The following ANGPT1 variants were observed in gnomAD, a reference collection of about 807,000 sequenced individuals.
ANGPT1 encodes angiopoietin 1.
ANGPT1 carries 17 observed loss-of-function variants against 62.2 expected under a neutral mutation model. That is an observed-to-expected ratio of 0.27 (90% CI 0.19 to 0.41). The LOEUF (loss-of-function observed/expected upper bound fraction) is 0.41, where lower values mean the gene tolerates loss of function less well. Ranked by LOEUF, ANGPT1 falls within the 10% of genes least tolerant of loss-of-function variation. The probability of loss-of-function intolerance (pLI) is 1.00; values close to 1 mark genes in which losing one functional copy is unlikely to be tolerated. For synonymous variants in ANGPT1, 199 were observed against 198.9 expected, an observed-to-expected ratio of 1.00 and a Z score of 0.00; for missense variants, 478 against 594.9, an observed-to-expected ratio of 0.80 and a Z score of 2.04.
intron 1 of ANGPT1, among the ~76,000 whole-genome samples, chr8:107,452,698 T>C (rs1811811179): frequency 6.6e-6 from 1 of 151,994 alleles, no homozygotes; most frequent in African/African-American, 2.4e-5. Context: ...TTCCAGAATT[T>C]GCATTAACTT....
At chr8:107,481,532 C>CAAAAAAAAAAAAAAAAAAAAAAA (rs71562147) in intron 1 of ANGPT1, among the ~76,000 whole-genome samples, 1 of 64,316 alleles carries the variant, frequency 1.6e-5, no homozygotes, top group Admixed American at 2.0e-4. Context: ...GACTCTGTCT[C>CAAAAAAAAAAAAAAAAAAAAAAA]AAAAAAAAAA....
At position 107,391,465 on chromosome 8, in the gene ANGPT1, G is replaced by C. The variant is rs1036707200; in HGVS notation, c.298-44368C>G. 2.0e-5 allele frequency among the ~76,000 whole-genome samples: 3 copies of C among 152,276 alleles called. No individual in the cohort carries two copies. In the South Asian group the frequency reaches 6.2e-4, roughly 32 times the overall value. ...GCAGATAACCTGAGGTCAGGAGTTTGAGACCAGCCTGGCCAACATGGTGAA... is the reference window on the plus strand; with the variant it reads ...GCAGATAACCTGAGGTCAGGAGTTTCAGACCAGCCTGGCCAACATGGTGAA... On this transcript the variant is annotated intron_variant, in intron 1 of 8. Transcript: ENST00000517746.
At chr8:107,491,415 A>G (rs1812950608) in intron 1 of ANGPT1, among the ~76,000 whole-genome samples, 2 of 152,220 alleles carry the variant, frequency 1.3e-5, no homozygotes, top group Non-Finnish European at 2.9e-5. Flanking sequence ...AGCATTATGC[A>G]GTAGCAAGTA....
intron 8 of ANGPT1, among the ~76,000 whole-genome samples, chr8:107,259,091 G>A (rs1813434869): frequency 6.6e-6 from 1 of 152,132 alleles, no homozygotes; most frequent in Admixed American, 6.5e-5. Context: ...ACTAAATATA[G>A]AAATTGGGTT....
intron 1 of ANGPT1, among the ~76,000 whole-genome samples, chr8:107,375,573 A>G (rs1415705869): frequency 1.3e-5 from 2 of 152,170 alleles, no homozygotes; most frequent in Non-Finnish European, 2.9e-5. Flanking sequence ...CCTCCTCCCA[A>G]CCACAGGAGA....
intron 1 of ANGPT1, among the ~76,000 whole-genome samples, chr8:107,423,722 TA>T (rs1261141218): frequency 2.0e-5 from 3 of 152,090 alleles, no homozygotes. Context: ...TGTGAGTTTC[TA>T]ATAACATATC....
intron 4 of ANGPT1, among the ~76,000 whole-genome samples, chr8:107,317,553 T>C (rs1250656952): frequency 6.6e-6 from 1 of 152,122 alleles, no homozygotes; most frequent in African/African-American, 2.4e-5. Context: ...CAATTATATA[T>C]TTGCCACGTG....
intron 6 of ANGPT1, among the ~76,000 whole-genome samples, chr8:107,286,442 A>G (rs1256253139): frequency 6.6e-6 from 1 of 152,138 alleles, no homozygotes; most frequent in East Asian, 1.9e-4. Context: ...GTCTTCATGT[A>G]CTGTTCTATT....
At chr8:107,358,389 T>C (rs1816093398) in intron 1 of ANGPT1, among the ~76,000 whole-genome samples, 1 of 150,694 alleles carries the variant, frequency 6.6e-6, no homozygotes, top group Admixed American at 6.6e-5. Flanking sequence ...TTTTTTTTTC[T>C]CCCTTTGATC....
chr8:107,359,605 C>A lies in ANGPT1; in HGVS notation c.298-12508G>T, dbSNP rs190492110. Among the ~76,000 whole-genome samples, 23 of 152,272 alleles carry A rather than the reference C, an allele frequency of 1.5e-4. No individual in the cohort carries two copies. In the East Asian group the frequency reaches 4.4e-3, roughly 29 times the overall value. ...CATTCCATTGAATAGACAAGATAGT[C>A]TTGATTTTAAAGTGCAAAGTGGCTT... is the stretch of plus-strand genomic sequence containing the variant. On this transcript the variant is annotated intron_variant, in intron 1 of 8. Transcript: ENST00000517746.
intron 5 of ANGPT1, among the ~76,000 whole-genome samples, chr8:107,301,623 C>T (rs1278683875): frequency 1.3e-5 from 2 of 151,844 alleles, no homozygotes; most frequent in Non-Finnish European, 2.9e-5. Context: ...AGAAATCAAA[C>T]ATGAAAAACA....
chr8:107,255,525 C>T (rs1233260653), intron 8 of ANGPT1, among the ~76,000 whole-genome samples: 1 of 152,128 alleles, frequency 6.6e-6, no homozygotes, highest in Non-Finnish European at 1.5e-5. Context: ...CAATAAATAA[C>T]CAAGAGATCC....
Position 107,357,536 on chromosome 8 carries a change from G to C in ANGPT1, c.298-10439C>G, listed in dbSNP as rs958816078. Among the ~76,000 whole-genome samples, 7 of 152,074 alleles carry C rather than the reference G, an allele frequency of 4.6e-5. No individual in the cohort carries two copies. In the East Asian group the frequency reaches 7.7e-4, roughly 17 times the overall value. On this transcript the variant is annotated intron_variant, in intron 1 of 8. Coordinates refer to ENST00000517746, the MANE Select transcript of ANGPT1 (RefSeq NM_001146.5). ...GACCACCCCAGCAGCTAGTAGATTG[G>C]GGGGATTGATGGGGTAAAAGGCTCT...
At chr8:107,425,540 A>G (rs1811017664) in intron 1 of ANGPT1, among the ~76,000 whole-genome samples, 1 of 152,210 alleles carries the variant, frequency 6.6e-6, no homozygotes, top group Non-Finnish European at 1.5e-5. Flanking sequence ...TCTAGATAAC[A>G]TCACACTGCT....
At chr8:107,411,390 T>C (rs2130356231) in intron 1 of ANGPT1, among the ~76,000 whole-genome samples, 1 of 152,314 alleles carries the variant, frequency 6.6e-6, no homozygotes, top group Non-Finnish European at 1.5e-5. Context: ...ATATCTTTAG[T>C]TTCCTATGAG....
intron 4 of ANGPT1, among the ~76,000 whole-genome samples, chr8:107,317,375 T>C (rs928750939): frequency 2.6e-5 from 4 of 152,202 alleles, no homozygotes; most frequent in Admixed American, 1.3e-4. Context: ...TGGATAAATT[T>C]ATGAACCACA....
intron 1 of ANGPT1, among the ~76,000 whole-genome samples, chr8:107,380,250 C>T (rs1816608823): frequency 6.6e-6 from 1 of 151,964 alleles, no homozygotes; most frequent in Non-Finnish European, 1.5e-5. Flanking sequence ...ATGGACTATT[C>T]AGTCTTTGAT....
At chr8:107,288,383 C>G (rs1324066777) in intron 6 of ANGPT1, among the ~76,000 whole-genome samples, 1 of 152,098 alleles carries the variant, frequency 6.6e-6, no homozygotes, top group Non-Finnish European at 1.5e-5. Flanking sequence ...CTTTCCATAT[C>G]TCACGAGTTT....
intron 1 of ANGPT1, among the ~76,000 whole-genome samples, chr8:107,426,372 A>G (rs1275850387): frequency 2.0e-5 from 3 of 152,256 alleles, no homozygotes; most frequent in African/African-American, 7.2e-5. Flanking sequence ...ATTCTAAAAC[A>G]GAAAGTGGGC....
Sources: gnomAD v4.1 joint callset for allele counts (sites outside exome capture counted in the v4.1 genomes callset) on GRCh38, gnomAD v4.1.1 for gene constraint, MANE v1.5 for transcripts, NCBI Gene and HGNC (gene_info 2026-07-23, HGNC 2026-07-21) for gene names.